Variants in HEMGN observed in about 807,000 individuals in gnomAD.
The protein encoded by HEMGN is erythroid differentiation-associated gene protein.
A neutral mutation model predicts 45.7 loss-of-function variants in HEMGN; 32 were observed. That is an observed-to-expected ratio of 0.70 (90% CI 0.53 to 0.94). The LOEUF (loss-of-function observed/expected upper bound fraction) is 0.94, where lower values mean the gene tolerates loss of function less well. Among genes scored for constraint, HEMGN ranks in the 40% least tolerant of loss-of-function variants. The pLI, the probability that HEMGN is intolerant of heterozygous loss-of-function variation, is 0.00. For missense variants in HEMGN, 530 were observed against 564.2 expected, an observed-to-expected ratio of 0.94 and a Z score of 0.61; for synonymous variants, 183 against 178.6, an observed-to-expected ratio of 1.02 and a Z score of -0.20.
chr9:97,928,286 A>C (rs952732773), intron 3 of HEMGN, among the ~76,000 whole-genome samples: 2 of 151,742 alleles, frequency 1.3e-5, no homozygotes, highest in African/African-American at 4.8e-5. Flanking sequence ...TCGGCCTCCC[A>C]ACGTGCTGGG....
At chr9:97,944,090 C>G (rs1827189133) in intron 1 of HEMGN, among the ~76,000 whole-genome samples, 1 of 152,164 alleles carries the variant, frequency 6.6e-6, no homozygotes, top group Non-Finnish European at 1.5e-5. Flanking sequence ...TGAGTTAATA[C>G]TCTTACCCAA....
At position 97,927,136 on chromosome 9, in the gene HEMGN, C is replaced by T. The variant is rs1446290038; in HGVS notation, c.*248G>A. 3 of 294,546 alleles carry T rather than the reference C, an allele frequency of 1.0e-5. No individual in the cohort carries two copies. Among genetic ancestry groups the T allele is most frequent in the Admixed American group, 1.0e-4 (2 of 20,008 alleles). The allele number at this position is 294,546 out of a possible 1,614,324, so 18.2% of individuals were successfully genotyped here. ...CCCCGCTTCCTTATTTGTCTGTTCCCACCACTATCCTCTCCCCGACCTATA... is the reference window on the plus strand; with the variant it reads ...CCCCGCTTCCTTATTTGTCTGTTCCTACCACTATCCTCTCCCCGACCTATA... On this transcript the variant is annotated 3_prime_UTR_variant, in exon 4 of 4. Transcript: ENST00000616898.
chr9:97,936,325 C>T (rs1827060433), intron 1 of HEMGN, 61 bp from the exon 2 acceptor site: 4 of 1,155,700 alleles, frequency 3.5e-6, no homozygotes, highest in Non-Finnish European at 5.2e-6. Flanking sequence ...CAGCAAAAGT[C>T]CTGTAGCCAA....
chr9:97,934,199 C>G (rs1185254455), intron 2 of HEMGN, among the ~76,000 whole-genome samples: 1 of 151,776 alleles, frequency 6.6e-6, no homozygotes. Flanking sequence ...AATACAAAAA[C>G]TAGCTGGGCG....
upstream of HEMGN, among the ~76,000 whole-genome samples, chr9:97,941,220 G>C (rs1228042714): frequency 2.0e-5 from 3 of 152,142 alleles, no homozygotes; most frequent in African/African-American, 7.2e-5. Flanking sequence ...CAGGTGAACA[G>C]AACTGATGGA....
At chr9:97,935,171 A>G (rs753903782) in intron 2 of HEMGN, among the ~76,000 whole-genome samples, 2 of 152,168 alleles carry the variant, frequency 1.3e-5, no homozygotes, top group Non-Finnish European at 2.9e-5. Flanking sequence ...TACTGACATC[A>G]TTCTCCTATT....
Position 97,930,610 on chromosome 9 carries a change from G to A in HEMGN, c.785C>T (p.Pro262Leu). 6.2e-7 allele frequency: 1 copy of A among 1,614,082 alleles called. No homozygotes were observed. Among genetic ancestry groups the A allele is most frequent in the Non-Finnish European group, 8.5e-7 (1 of 1,179,968 alleles). Residue 262 changes from proline to leucine, a missense_variant, in exon 3 of 4, where the codon CCA (proline) becomes CTA (leucine). Physicochemically the swap from Pro to Leu is moderately conservative, Grantham distance 98. Transcript: ENST00000616898. ...DLAGCSLQAY[P>L]KPDVPKGYIL... The stretch of plus-strand genomic sequence containing the variant: ...ATAGCCTTTAGGCACATCTGGTTTT[G>A]GATATGCTTGAAGAGAGCATCCTGC...
At chr9:97,929,993 TGG>T in intron 3 of HEMGN, 40 bp downstream of exon 3, 2 of 1,423,082 alleles carry the variant, frequency 1.4e-6, no homozygotes, top group African/African-American at 1.4e-5. Flanking sequence ...ATCACTACTC[TGG>T]GGGAGATGTA....
upstream of HEMGN, chr9:97,938,308 T>TA (rs1827099419): frequency 1.7e-6 from 1 of 605,054 alleles, no homozygotes; most frequent in South Asian, 2.0e-5. Flanking sequence ...AACTGCAGGC[T>TA]AATTCTACTA....
intron 1 of HEMGN, 82 bp downstream of exon 1, chr9:97,937,976 G>A: frequency 3.4e-6 from 1 of 291,702 alleles, no homozygotes; most frequent in Non-Finnish European, 5.6e-6. Flanking sequence ...TTTTTTTTTT[G>A]GCCAGATCCA....
upstream of HEMGN, among the ~76,000 whole-genome samples, chr9:97,942,210 A>AGAG (rs1236638143): frequency 6.6e-6 from 1 of 152,090 alleles, no homozygotes; most frequent in Non-Finnish European, 1.5e-5. Flanking sequence ...CTAAGATCAC[A>AGAG]GAGTGAGACT....
rs760200705 is a variant in HEMGN, at chr9:97,930,631, C to T, written c.764G>A (p.Gly255Glu). The T allele has an allele frequency of 6.2e-6, 10 of 1,614,152 alleles. No homozygotes were observed. In the South Asian group the frequency reaches 7.7e-5, roughly 12 times the overall value. The change falls in exon 3 of 4, where the codon GGA (glycine) becomes GAA (glutamate). Residue 255 changes from glycine to glutamate, a missense_variant. Coordinates refer to ENST00000616898, the MANE Select transcript of HEMGN (RefSeq NM_197978.3). ...PTSEDTADLA[G>E]CSLQAYPKPD... ...TTTTGGATATGCTTGAAGAGAGCAT[C>T]CTGCCAGATCAGCTGTGTCTTCAGA...
At chr9:97,935,202 G>C (rs1002753626) in intron 2 of HEMGN, among the ~76,000 whole-genome samples, 1 of 152,126 alleles carries the variant, frequency 6.6e-6, no homozygotes, top group Non-Finnish European at 1.5e-5. Flanking sequence ...ATGTGAACTT[G>C]GTGTTATAGA....
chr9:97,932,972 C>G (rs937902994), intron 2 of HEMGN, among the ~76,000 whole-genome samples: 3 of 151,832 alleles, frequency 2.0e-5, no homozygotes, highest in African/African-American at 4.8e-5. Context: ...ATATTTTTTC[C>G]TAGATATTAA....
intron 2 of HEMGN, among the ~76,000 whole-genome samples, chr9:97,934,568 G>A (rs928410475): frequency 3.8e-4 from 58 of 151,998 alleles, no homozygotes; most frequent in African/African-American, 1.4e-3. Flanking sequence ...TAGTGGTATG[G>A]AATTTGGGAG....
chr9:97,930,237 T>C lies in HEMGN; in HGVS notation c.1158A>G (p.Gln386=), dbSNP rs776735078. Residue 386 remains glutamine (Q), a synonymous_variant, in exon 3 of 4, where the codon CAA becomes CAG. Coordinates refer to ENST00000616898, the MANE Select transcript of HEMGN (RefSeq NM_197978.3). ...AATATTCTTCAAGCTGGGATGTTTC[T>C]TGGTATATTTCAGGTGAATATTCTT... ...GLEEYSPEIY[Q]ETSQLEEYSP... is the part of the protein sequence containing the mutation. 3 of 1,614,206 alleles carry C rather than the reference T, an allele frequency of 1.9e-6. No individual in the cohort carries two copies. Among genetic ancestry groups the C allele is most frequent in the Non-Finnish European group, 2.5e-6 (3 of 1,180,038 alleles).
At position 97,933,920 on chromosome 9, in the gene HEMGN, C is replaced by A. The variant is rs1212218794; in HGVS notation, c.173+2251G>T. 2.0e-5 allele frequency among the ~76,000 whole-genome samples: 3 copies of A among 152,204 alleles called. No homozygotes were observed. The East Asian group carries it at 5.8e-4, about 29-fold the overall frequency. On this transcript the variant is annotated intron_variant, in intron 2 of 3. Transcript: ENST00000616898. The stretch of plus-strand genomic sequence containing the variant: ...CCCTCAGCCCAGCAAGCCCAGAAAC[C>A]TGATTCTGTTAGCACACTGAGACTA...
upstream of HEMGN, chr9:97,938,240 C>T (rs889214726): frequency 1.5e-4 from 115 of 753,614 alleles, no homozygotes; most frequent in Non-Finnish European, 2.3e-4. Flanking sequence ...AAAAACCACA[C>T]ACACAAGTTT....
chr9:97,944,039 C>G (rs900280373), intron 1 of HEMGN, among the ~76,000 whole-genome samples: 5 of 152,080 alleles, frequency 3.3e-5, no homozygotes, highest in Non-Finnish European at 2.9e-5. Context: ...CTTTCACTCC[C>G]CTAGGTATGG....
Sources: allele counts gnomAD v4.1 joint callset (sites outside exome capture counted in the v4.1 genomes callset), GRCh38; gene constraint gnomAD v4.1.1; transcripts MANE v1.5; gene names NCBI Gene and HGNC (gene_info 2026-07-23, HGNC 2026-07-21).